Variants in TRAK1 observed in about 807,000 individuals in gnomAD.
TRAK1 encodes trafficking kinesin protein 1, also known as trafficking kinesin-binding protein 1.
A neutral mutation model predicts 92.1 loss-of-function variants in TRAK1; 33 were observed. The ratio of observed to expected loss-of-function variants is 0.36; its 90% CI spans 0.27 to 0.48. The LOEUF (loss-of-function observed/expected upper bound fraction) is 0.48, where lower values mean the gene tolerates loss of function less well. TRAK1 is among the 20% of genes least tolerant of loss of function. TRAK1 has a pLI of 0.99. For missense variants in TRAK1, 1,123 were observed against 1,257.9 expected (o/e 0.89, Z 1.62); for synonymous variants, 521 against 517.3 (o/e 1.01, Z -0.10).
intron 2 of TRAK1, among the ~76,000 whole-genome samples, chr3:42,127,047 A>G (rs1710654395): frequency 6.6e-6 from 1 of 152,176 alleles, no homozygotes; most frequent in Non-Finnish European, 1.5e-5. Flanking sequence ...CTTGTAGCAT[A>G]TAGGAGGCTC....
At chr3:42,174,627 C>T (rs996042724) in intron 2 of TRAK1, among the ~76,000 whole-genome samples, 2 of 148,224 alleles carry the variant, frequency 1.3e-5, no homozygotes, top group African/African-American at 4.9e-5. Context: ...TGTGCCACCA[C>T]ACCTGGCTAA....
At chr3:42,151,854 A>G (rs1699989909) in intron 2 of TRAK1, among the ~76,000 whole-genome samples, 1 of 152,156 alleles carries the variant, frequency 6.6e-6, no homozygotes, top group African/African-American at 2.4e-5. Flanking sequence ...GTCTCTGATT[A>G]TTTGGCATTT....
intron 1 of TRAK1, among the ~76,000 whole-genome samples, chr3:42,055,321 ACT>A (rs986697166): frequency 5.3e-5 from 8 of 151,560 alleles, no homozygotes; most frequent in African/African-American, 1.9e-4. Context: ...TCTTTATAAA[ACT>A]CTCTCCCATA....
At chr3:42,051,527 G>T (rs1702981538) in intron 1 of TRAK1, 1 of 152,244 alleles carries the variant, frequency 6.6e-6, no homozygotes, top group South Asian at 2.1e-4. Context: ...TATTAACCCT[G>T]TTGGAAGGTC....
At chr3:42,097,927 T>A (rs1260021202) in intron 1 of TRAK1, among the ~76,000 whole-genome samples, 3 of 152,228 alleles carry the variant, frequency 2.0e-5, no homozygotes, top group Non-Finnish European at 4.4e-5. Flanking sequence ...GCTGTGATAC[T>A]GACAACTATG....
intron 2 of TRAK1, among the ~76,000 whole-genome samples, chr3:42,142,981 G>T (rs146822673): frequency 7.8e-4 from 119 of 152,236 alleles, no homozygotes; most frequent in African/African-American, 2.0e-3. Context: ...GGTGTTGCAG[G>T]TCCCTCTTGA....
chr3:42,149,175 T>G (rs994331862), intron 2 of TRAK1: 152 of 1,035,834 alleles, frequency 1.5e-4, no homozygotes, highest in Non-Finnish European at 1.8e-4. Flanking sequence ...CAGCCAGTGG[T>G]GGTGTGTGTC....
rs41289572 is a variant in TRAK1, at chr3:42,200,926, C to T, written c.1299C>T (p.Ala433=). 4.5e-5 allele frequency: 73 copies of T among 1,614,118 alleles called. No individual in the cohort carries two copies. The highest frequency in any genetic ancestry group is 5.4e-5 in the Non-Finnish European group (64 of 1,180,052). Residue 433 remains alanine, a synonymous_variant, in exon 12 of 16, where the codon GCC becomes GCT. Coordinates refer to ENST00000327628, the MANE Select transcript of TRAK1 (RefSeq NM_001042646.3). The stretch of plus-strand genomic sequence containing the variant: ...TCCCCGGCTCCAACCAGTCCTCGGC[C>T]ATGAACTCCCTCCTGTCCAGCTGCG... ...MNIPGSNQSS[A]MNSLLSSCVS...
chr3:42,097,511 C>A (rs1461662234), intron 1 of TRAK1, among the ~76,000 whole-genome samples: 1 of 152,156 alleles, frequency 6.6e-6, no homozygotes. Context: ...GATTTACGTT[C>A]CTCAGTGTGT....
At chr3:42,098,036 A>C (rs1221513721) in intron 1 of TRAK1, among the ~76,000 whole-genome samples, 1 of 147,418 alleles carries the variant, frequency 6.8e-6, no homozygotes, top group Non-Finnish European at 1.5e-5. Context: ...TTTTCTTCTC[A>C]CCCTCTTCTC....
intron 1 of TRAK1, among the ~76,000 whole-genome samples, chr3:42,026,147 G>A (rs1701906160): frequency 1.3e-5 from 2 of 151,752 alleles, no homozygotes; most frequent in African/African-American, 2.4e-5. Flanking sequence ...TGTCCTTTGA[G>A]GCCCTTTTTA....
At chr3:42,058,049 T>C (rs960712348) in intron 1 of TRAK1, among the ~76,000 whole-genome samples, 2 of 152,218 alleles carry the variant, frequency 1.3e-5, no homozygotes, top group African/African-American at 4.8e-5. Flanking sequence ...TTGGGTTATT[T>C]TTGCCACCTT....
intron 1 of TRAK1, among the ~76,000 whole-genome samples, chr3:42,044,107 T>C (rs1702666155): frequency 6.6e-6 from 1 of 152,208 alleles, no homozygotes; most frequent in Admixed American, 6.5e-5. Flanking sequence ...AAATCAATTT[T>C]TCAGTTCTGC....
At position 42,092,711 on chromosome 3, in the gene TRAK1, G is replaced by GTTATGTTATGTTATGATATGTTA. The variant is rs1705247688; in HGVS notation, c.91+1152_91+1153insTATGTTATGTTATGATATGTTAT. Among the ~76,000 whole-genome samples the GTTATGTTATGTTATGATATGTTA allele has an allele frequency of 2.1e-3, 211 of 101,118 alleles. 5 individuals carry two copies. Among genetic ancestry groups the GTTATGTTATGTTATGATATGTTA allele is most frequent in the African/African-American group, 6.6e-3 (205 of 31,058 alleles). 66.3% of individuals were successfully genotyped at this position (101,118 alleles called of 152,430 possible). On this transcript the variant is annotated intron_variant, in intron 1 of 15. Transcript: ENST00000327628. Reference sequence around the variant, plus strand: ...GTGTTGTGTTGTGTTGTGTTGTGTTGTGTTATGTTATGTTATGTTATGTTA... The same window carrying GTTATGTTATGTTATGATATGTTA: ...GTGTTGTGTTGTGTTGTGTTGTGTTGTTATGTTATGTTATGATATGTTATGTTATGTTATGTTATGTTATGTTA...
At chr3:42,125,399 T>A (rs1457474053) in intron 1 of TRAK1, 21 bp from the exon 2 acceptor site, 1 of 1,605,490 alleles carries the variant, frequency 6.2e-7, no homozygotes, top group East Asian at 2.2e-5. Flanking sequence ...GGCTCTCATT[T>A]CTTGGTTGTC....
intron 1 of TRAK1, among the ~76,000 whole-genome samples, chr3:42,116,363 A>G (rs191342468): frequency 3.6e-3 from 541 of 152,362 alleles, no homozygotes; most frequent in Non-Finnish European, 5.0e-3. Flanking sequence ...TGGTATGGAA[A>G]GTAATTACTA....
chr3:42,174,629 C>T (rs950277374), intron 2 of TRAK1, among the ~76,000 whole-genome samples: 1 of 148,792 alleles, frequency 6.7e-6, no homozygotes, highest in Admixed American at 6.7e-5. Flanking sequence ...TGCCACCACA[C>T]CTGGCTAATT....
intron 1 of TRAK1, among the ~76,000 whole-genome samples, chr3:42,024,459 C>T (rs1481117098): frequency 1.3e-5 from 2 of 152,174 alleles, no homozygotes; most frequent in East Asian, 3.8e-4. Context: ...CCTTAAAATG[C>T]TGTAATTATC....
At chr3:42,036,766 T>C (rs1702341471) in intron 1 of TRAK1, among the ~76,000 whole-genome samples, 1 of 152,212 alleles carries the variant, frequency 6.6e-6, no homozygotes, top group African/African-American at 2.4e-5. Context: ...TTTCTATCTT[T>C]TTGAGACAGG....
Sources: allele counts gnomAD v4.1 joint callset (sites outside exome capture counted in the v4.1 genomes callset), GRCh38; gene constraint gnomAD v4.1.1; transcripts MANE v1.5; gene names NCBI Gene and HGNC (gene_info 2026-07-23, HGNC 2026-07-21).